Variants in LRFN5 observed in about 807,000 individuals in gnomAD.
LRFN5 encodes the protein leucine-rich repeat and fibronectin type-III domain-containing protein 5.
In LRFN5, 24 loss-of-function variants were observed where a neutral mutation model predicts 45.6. The observed-to-expected ratio is 0.53, with a 90% CI of 0.38 to 0.74. The LOEUF is 0.74. Among genes scored for constraint, LRFN5 ranks in the 30% least tolerant of loss-of-function variants. LRFN5 has a pLI of 0.00. For missense variants in LRFN5, 776 were observed against 861.5 expected (o/e 0.90, Z 1.24); for synonymous variants, 340 against 313.8 (o/e 1.08, Z -0.88).
At chr14:41,696,246 T>G (rs10140527) in intron 1 of LRFN5, among the ~76,000 whole-genome samples, 92,780 of 151,670 alleles carry the variant, frequency 0.61, 29,874 homozygotes, top group East Asian at 0.98. Context: ...GAGCAAAGAA[T>G]GTAGTCTTTT....
chr14:41,734,316 T>TTATATATATATATATATATA (rs60855395), intron 1 of LRFN5, among the ~76,000 whole-genome samples: 1,107 of 38,596 alleles, frequency 0.029, 180 homozygotes, highest in South Asian at 0.054. Context: ...TGGACTGGTT[T>TTATATATATATATATATATA]TATATATATA....
chr14:41,894,543 T>A (rs1360892344), intron 4 of LRFN5: 1 of 958,176 alleles, frequency 1.0e-6, no homozygotes, highest in East Asian at 1.2e-4. Context: ...TTTAAGAGAT[T>A]AACAAAAGAC....
intron 1 of LRFN5, among the ~76,000 whole-genome samples, chr14:41,650,286 G>T (rs1880047844): frequency 1.1e-5 from 1 of 89,208 alleles, no homozygotes. Flanking sequence ...AAAGATACTT[G>T]CAACACAGAT....
intron 1 of LRFN5, among the ~76,000 whole-genome samples, chr14:41,617,994 GC>G (rs890673790): frequency 6.6e-6 from 1 of 152,054 alleles, no homozygotes; most frequent in Non-Finnish European, 1.5e-5. Context: ...TGCTGTTGAT[GC>G]TCTTAATGAG....
At chr14:41,846,455 C>T (rs12434813) in intron 2 of LRFN5, among the ~76,000 whole-genome samples, 89,006 of 151,858 alleles carry the variant, frequency 0.59, 26,236 homozygotes, top group African/African-American at 0.64. Context: ...CAGGGATTAA[C>T]CTCACAAACT....
intron 1 of LRFN5, among the ~76,000 whole-genome samples, chr14:41,611,486 CAA>C (rs982712280): frequency 1.3e-5 from 2 of 152,132 alleles, no homozygotes; most frequent in African/African-American, 4.8e-5. Context: ...ATTTCCCAGC[CAA>C]AAGCCTCCTT....
At chr14:41,643,737 T>G (rs947075063) in intron 1 of LRFN5, among the ~76,000 whole-genome samples, 1 of 151,896 alleles carries the variant, frequency 6.6e-6, no homozygotes, top group African/African-American at 2.4e-5. Flanking sequence ...ACACACTGAC[T>G]GTTTAAAGCT....
chr14:41,668,177 T>C (rs932300953), intron 1 of LRFN5, among the ~76,000 whole-genome samples: 3 of 152,100 alleles, frequency 2.0e-5, no homozygotes, highest in Admixed American at 2.0e-4. Flanking sequence ...AATAACAATA[T>C]TACTGCAGTT....
At chr14:41,774,928 G>A (rs1162705107) in intron 2 of LRFN5, among the ~76,000 whole-genome samples, 1 of 151,994 alleles carries the variant, frequency 6.6e-6, no homozygotes, top group Non-Finnish European at 1.5e-5. Flanking sequence ...CAGGGGGGTA[G>A]CTTGATCTTA....
intron 2 of LRFN5, among the ~76,000 whole-genome samples, chr14:41,869,144 T>A (rs1351071606): frequency 3.3e-5 from 5 of 152,152 alleles, no homozygotes; most frequent in Admixed American, 3.3e-4. Context: ...TGCTTTGTAG[T>A]ATTTTCTTGT....
intron 2 of LRFN5, among the ~76,000 whole-genome samples, chr14:41,798,486 G>A (rs938619907): frequency 3.9e-5 from 6 of 151,926 alleles, no homozygotes; most frequent in Middle Eastern, 3.2e-3. Context: ...ACAGAGCAGT[G>A]GGCAAAGTAG....
chr14:41,881,759 T>C (rs1890389116), intron 2 of LRFN5, among the ~76,000 whole-genome samples: 1 of 152,198 alleles, frequency 6.6e-6, no homozygotes, highest in Non-Finnish European at 1.5e-5. Context: ...ATTTATACTT[T>C]CTTCTGCTGT....
intron 2 of LRFN5, among the ~76,000 whole-genome samples, chr14:41,870,256 A>G (rs535820884): frequency 3.9e-5 from 6 of 152,258 alleles, no homozygotes; most frequent in African/African-American, 9.6e-5. Flanking sequence ...TAAGAGAGGG[A>G]AGCTGCTGTT....
chr14:41,649,534 T>C (rs1330184637), intron 1 of LRFN5, among the ~76,000 whole-genome samples: 2 of 152,154 alleles, frequency 1.3e-5, no homozygotes, highest in Non-Finnish European at 2.9e-5. Context: ...TTCTGAATCT[T>C]CTCCTAGGCC....
At chr14:41,804,404 A>G (rs1415005392) in intron 2 of LRFN5, among the ~76,000 whole-genome samples, 3 of 152,144 alleles carry the variant, frequency 2.0e-5, no homozygotes, top group African/African-American at 7.2e-5. Flanking sequence ...CTGAAAAGAC[A>G]TCTCAAAGGC....
At position 41,843,434 on chromosome 14, in the gene LRFN5, T is replaced by C. The variant is rs544362812; in HGVS notation, c.-20-43172T>C. Among the ~76,000 whole-genome samples, 16 of 152,304 alleles carry C rather than the reference T, an allele frequency of 1.1e-4. 1 individual carries two copies. The South Asian group carries it at 3.3e-3, about 32-fold the overall frequency. The stretch of plus-strand genomic sequence containing the variant: ...CAGAACTTTAACTGTGATAAAATTA[T>C]ATTTATCAATTATTTATTTAATGGT... On this transcript the variant is annotated intron_variant, in intron 2 of 5. Transcript: ENST00000298119.
intron 1 of LRFN5, among the ~76,000 whole-genome samples, chr14:41,622,127 C>CT (rs35981090): frequency 0.51 from 73,319 of 144,688 alleles, 18,338 homozygotes; most frequent in African/African-American, 0.54. Context: ...TTCCATCCCT[C>CT]TTTTTTTTTT....
At chr14:41,673,003 T>C (rs913212672) in intron 1 of LRFN5, among the ~76,000 whole-genome samples, 3 of 152,056 alleles carry the variant, frequency 2.0e-5, no homozygotes, top group African/African-American at 4.8e-5. Context: ...CTAAGTTAAA[T>C]ATATGAGATT....
At chr14:41,630,724 G>A (rs1304562004) in intron 1 of LRFN5, among the ~76,000 whole-genome samples, 1 of 151,960 alleles carries the variant, frequency 6.6e-6, no homozygotes, top group East Asian at 1.9e-4. Flanking sequence ...TCAATCATGG[G>A]ACATAAATTT....
Sources: gnomAD v4.1 joint callset for allele counts (sites outside exome capture counted in the v4.1 genomes callset) on GRCh38, gnomAD v4.1.1 for gene constraint, MANE v1.5 for transcripts, NCBI Gene and HGNC (gene_info 2026-07-23, HGNC 2026-07-21) for gene names.